Variants in CNR1 observed in about 807,000 individuals in gnomAD.
CNR1 encodes cannabinoid receptor 1, also known as cannabinoid receptor 1 (brain).
A neutral mutation model predicts 23.0 loss-of-function variants in CNR1; 10 were observed. The ratio of observed to expected loss-of-function variants is 0.43; its 90% confidence interval spans 0.27 to 0.74. The LOEUF is 0.74. CNR1 is among the 30% of genes least tolerant of loss of function. CNR1 has a pLI of 0.19. For missense variants in CNR1, 422 were observed against 618.8 expected (o/e 0.68, Z 3.37); for synonymous variants, 271 against 255.2 (o/e 1.06, Z -0.59).
chr6:88,163,939 A>G (rs1582382674), intron 1 of CNR1, among the ~76,000 whole-genome samples: 1 of 152,376 alleles, frequency 6.6e-6, no homozygotes, highest in Middle Eastern at 3.4e-3. Context: ...AAAACAGTGG[A>G]TAACAAACAA....
Position 88,145,015 on chromosome 6 carries a change from G to C in CNR1, c.260C>G (p.Ser87Trp). ...GTTCTCCTCATTCTCCTTGAAGGAC[G>C]AGAGAGACTTGTTGTAAAATTCTGT... ...NITEFYNKSL[S>W]SFKENEENIQ... The change falls in exon 2 of 2, where the codon TCG becomes TGG. Residue 87 changes from serine (S) to tryptophan (W), a missense_variant. By Grantham distance (177) the Ser-to-Trp change is radical. Around this residue, in one of 4 missense-constraint regions of CNR1, gnomAD observed 120 missense variants for 117.6 expected, o/e 1.02. Coordinates refer to ENST00000369501, the MANE Select transcript of CNR1 (RefSeq NM_016083.6). The C allele has an allele frequency of 1.9e-6, 3 of 1,614,076 alleles. No homozygotes were observed. Among genetic ancestry groups the C allele is most frequent in the Non-Finnish European group, 2.5e-6 (3 of 1,179,986 alleles).
chr6:88,143,859 C>T lies in CNR1; in HGVS notation c.1416G>A (p.Leu472=), dbSNP rs779008264. The change falls in exon 2 of 2, where the codon CTG becomes CTA. Residue 472 remains leucine, a synonymous_variant. Coordinates refer to ENST00000369501, the MANE Select transcript of CNR1 (RefSeq NM_016083.6). ...TGCTGCCAGGGAGGCATCAGGCTCACAGAGCCTCGGCAGACGTGTCTGTGG... is the reference window on the plus strand; with the variant it reads ...TGCTGCCAGGGAGGCATCAGGCTCATAGAGCCTCGGCAGACGTGTCTGTGG... ...SVSTDTSAEA[L] 2 of 1,610,810 alleles carry T rather than the reference C, an allele frequency of 1.2e-6. No homozygotes were observed. Among genetic ancestry groups the T allele is most frequent in the East Asian group, 4.5e-5 (2 of 44,788 alleles).
At chr6:88,159,329 G>A (rs1777964210) in intron 1 of CNR1, among the ~76,000 whole-genome samples, 1 of 152,080 alleles carries the variant, frequency 6.6e-6, no homozygotes, top group African/African-American at 2.4e-5. Context: ...TTTTGCTGTA[G>A]GCCCAAGTAA....
chr6:88,150,152 G>A (rs1012093153), intron 1 of CNR1, among the ~76,000 whole-genome samples: 2 of 152,196 alleles, frequency 1.3e-5, no homozygotes, highest in African/African-American at 4.8e-5. Flanking sequence ...AGCCATTCCA[G>A]TCATCTTCCC....
chr6:88,160,342 AC>A lies in CNR1; in HGVS notation c.-64+5460del, dbSNP rs1778028292. ...TAAAAACATCATTTTTAGCTTTTTG[AC>A]CCGAAGAAATCAATGTTATGAATTA... On this transcript the variant is annotated intron_variant, in intron 1 of 1. Coordinates refer to ENST00000369501, the MANE Select transcript of CNR1 (RefSeq NM_016083.6). 5.3e-5 allele frequency among the ~76,000 whole-genome samples: 8 copies of A among 152,042 alleles called. No individual in the cohort carries two copies. The South Asian group carries it at 1.7e-3, about 31-fold the overall frequency.
intron 1 of CNR1, among the ~76,000 whole-genome samples, chr6:88,149,385 A>G (rs991111999): frequency 2.6e-5 from 4 of 152,112 alleles, no homozygotes; most frequent in Non-Finnish European, 5.9e-5. Flanking sequence ...AACATGCTCT[A>G]TATGTCCCAC....
chr6:88,166,809 C>G (rs868228903), upstream of CNR1, among the ~76,000 whole-genome samples: 2 of 117,130 alleles, frequency 1.7e-5, no homozygotes, highest in East Asian at 3.2e-4. Context: ...GGAAGGGGAG[C>G]GGGAGCCCAG....
At chr6:88,157,122 C>T (rs1777843182) in intron 1 of CNR1, among the ~76,000 whole-genome samples, 1 of 152,142 alleles carries the variant, frequency 6.6e-6, no homozygotes, top group South Asian at 2.1e-4. Flanking sequence ...ACATGCACAA[C>T]CTTGAATGAA....
chr6:88,147,495 G>A (rs1777266911), intron 1 of CNR1, among the ~76,000 whole-genome samples: 1 of 152,196 alleles, frequency 6.6e-6, no homozygotes, highest in Non-Finnish European at 1.5e-5. Flanking sequence ...AGAATAGGTA[G>A]CATCACTGTA....
intron 1 of CNR1, among the ~76,000 whole-genome samples, chr6:88,154,967 T>C (rs1006405707): frequency 6.6e-6 from 1 of 152,206 alleles, no homozygotes; most frequent in Non-Finnish European, 1.5e-5. Flanking sequence ...TTCAAAATAC[T>C]CTATAAAATT....
At chr6:88,158,659 GT>G (rs1247130781) in intron 1 of CNR1, among the ~76,000 whole-genome samples, 4 of 152,188 alleles carry the variant, frequency 2.6e-5, no homozygotes, top group Non-Finnish European at 4.4e-5. Flanking sequence ...ACATTCTGAC[GT>G]TTAAGAACCA....
chr6:88,157,532 C>G (rs899199708), intron 1 of CNR1, among the ~76,000 whole-genome samples: 1 of 152,022 alleles, frequency 6.6e-6, no homozygotes, highest in East Asian at 1.9e-4. Flanking sequence ...TTTTCTGAGG[C>G]AAAAGGGCAT....
intron 1 of CNR1, among the ~76,000 whole-genome samples, chr6:88,156,392 GACA>G (rs1777797401): frequency 1.3e-5 from 2 of 152,148 alleles, no homozygotes; most frequent in Non-Finnish European, 2.9e-5. Context: ...CCATGTAAGG[GACA>G]TGGGTCAGGT....
At chr6:88,167,257 C>A (rs901402881), upstream of CNR1, among the ~76,000 whole-genome samples, 10 of 152,082 alleles carry the variant, frequency 6.6e-5, no homozygotes. Flanking sequence ...GGGGCGGCAG[C>A]GGCGGGCGCC....
chr6:88,165,357 G>A (rs1778315179), intron 1 of CNR1, among the ~76,000 whole-genome samples: 1 of 152,194 alleles, frequency 6.6e-6, no homozygotes, highest in Admixed American at 6.5e-5. Context: ...AGTGGTTCCT[G>A]TAGCTTTTTA....
chr6:88,162,394 T>C (rs185810263), intron 1 of CNR1, among the ~76,000 whole-genome samples: 4 of 152,380 alleles, frequency 2.6e-5, no homozygotes, highest in African/African-American at 9.6e-5. Flanking sequence ...TTTGATATTA[T>C]ACATATATTC....
chr6:88,147,014 C>T (rs1392546519), intron 1 of CNR1, among the ~76,000 whole-genome samples: 1 of 152,164 alleles, frequency 6.6e-6, no homozygotes, highest in Non-Finnish European at 1.5e-5. Context: ...TGCCCTTGGC[C>T]GGGCACAGTA....
intron 1 of CNR1, among the ~76,000 whole-genome samples, chr6:88,148,350 C>T (rs1015173274): frequency 2.0e-5 from 3 of 152,202 alleles, no homozygotes; most frequent in Non-Finnish European, 2.9e-5. Flanking sequence ...CCACTACTTC[C>T]TCCCACCCAC....
chr6:88,166,951 C>T (rs948872382), upstream of CNR1, among the ~76,000 whole-genome samples: 1 of 151,842 alleles, frequency 6.6e-6, no homozygotes, highest in African/African-American at 2.4e-5. Flanking sequence ...GCGCAGCCCC[C>T]GAGCCGTTCG....
Sources: gnomAD v4.1 joint callset for allele counts (sites outside exome capture counted in the v4.1 genomes callset) on GRCh38, gnomAD v4.1.1 for gene constraint, gnomAD v4.1.1 regional missense constraint, MANE v1.5 for transcripts, NCBI Gene and HGNC (gene_info 2026-07-23, HGNC 2026-07-21) for gene names.